The following IFT74 variants were observed in gnomAD, a reference collection of about 807,000 sequenced individuals.
IFT74 encodes the protein intraflagellar transport protein 74 homolog.
In IFT74, 92 loss-of-function variants were observed where a neutral mutation model predicts 96.7. That is an observed-to-expected ratio of 0.95 (90% CI 0.80 to 1.13). The LOEUF (loss-of-function observed/expected upper bound fraction) is 1.13. Ranked by LOEUF, IFT74 falls within the 50% of genes most tolerant of loss-of-function variation. The pLI, the probability that IFT74 is intolerant of heterozygous loss-of-function variation, is 0.00. For synonymous variants in IFT74, 223 were observed against 213.2 expected (o/e 1.05, Z -0.40); for missense variants, 811 against 698.2 (o/e 1.16, Z -1.82).
intron 2 of IFT74, among the ~76,000 whole-genome samples, chr9:26,969,471 C>T (rs775866187): frequency 6.6e-6 from 1 of 151,864 alleles, no homozygotes; most frequent in Admixed American, 6.6e-5. Context: ...ATACGTTTCT[C>T]ATAGTCAGGA....
chr9:26,978,248 A>T lies in IFT74; in HGVS notation c.241A>T (p.Lys81Ter). The T allele has an allele frequency of 6.2e-7, 1 of 1,613,166 alleles. No individual in the cohort carries two copies. The highest frequency in any genetic ancestry group is 2.2e-5 in the East Asian group (1 of 44,792). ...PVTQQGLTGMKTGTKGPQRQI... is the reference protein window; with the variant it reads ...PVTQQGLTGM ...AACACAACAAGGTTTGACTGGAATG[A>T]AAACTGGGACGAAAGGTACCTATTT... The change falls in exon 3 of 20, where the codon AAA (lysine) becomes TAA (stop). Residue 81 changes from lysine (K) to a stop codon, truncating the protein, a stop_gained. Transcript: ENST00000380062. LOFTEE classifies it high-confidence loss of function.
chr9:27,015,692 G>A (rs760614306), intron 10 of IFT74, among the ~76,000 whole-genome samples: 1 of 152,092 alleles, frequency 6.6e-6, no homozygotes, highest in Admixed American at 6.6e-5. Flanking sequence ...TGTTCAAGTT[G>A]TAGGTCCGGT....
intron 8 of IFT74, among the ~76,000 whole-genome samples, chr9:27,002,744 T>A (rs182151045): frequency 2.6e-5 from 4 of 152,328 alleles, no homozygotes. Context: ...CTTTGTTCCT[T>A]TTTGCTGAGG....
At chr9:27,010,266 G>C (rs1828991965) in intron 9 of IFT74, among the ~76,000 whole-genome samples, 1 of 152,048 alleles carries the variant, frequency 6.6e-6, no homozygotes, top group Non-Finnish European at 1.5e-5. Context: ...TGGTATTACA[G>C]GCATGAGCCA....
chr9:27,012,020 A>G (rs372439870), intron 10 of IFT74, 52 bp downstream of exon 10: 39 of 1,154,940 alleles, frequency 3.4e-5, no homozygotes, highest in Admixed American at 1.9e-4. Context: ...AAAAAAGTTA[A>G]TTCAGCCAAG....
chr9:26,988,766 T>C, intron 7 of IFT74, 38 bp downstream of exon 7: 1 of 1,451,956 alleles, frequency 6.9e-7, no homozygotes, highest in South Asian at 1.3e-5. Context: ...TCTATGTAAG[T>C]CATATCCTAC....
Position 27,056,347 on chromosome 9 carries a change from A to G in IFT74, c.1511A>G (p.Glu504Gly). The change falls in exon 18 of 20, where the codon GAG becomes GGG. Residue 504 changes from glutamate to glycine, a missense_variant. Physicochemically the swap from Glu to Gly is moderately conservative, Grantham distance 98. Coordinates refer to ENST00000380062, the MANE Select transcript of IFT74 (RefSeq NM_025103.4). ...GGATCTTTCTAGAAATTACATCAGG[A>G]GAGAATGATATTATCAACCCACAGA... ...GEEKIKKLHQ[E>G]RMILSTHRNA... The G allele has an allele frequency of 6.3e-7, 1 of 1,580,640 alleles. No homozygotes were observed. The highest frequency in any genetic ancestry group is 1.1e-5 in the South Asian group (1 of 87,264).
intron 4 of IFT74, among the ~76,000 whole-genome samples, chr9:26,983,613 A>G (rs1827485570): frequency 6.6e-6 from 1 of 152,140 alleles, no homozygotes; most frequent in Non-Finnish European, 1.5e-5. Context: ...AGAGGGTAGT[A>G]GCAGCTGTGA....
chr9:27,018,069 T>C (rs960059106), intron 11 of IFT74, among the ~76,000 whole-genome samples: 5 of 152,134 alleles, frequency 3.3e-5, no homozygotes, highest in Admixed American at 2.6e-4. Flanking sequence ...AGAGAAATCA[T>C]TGAAAGATGG....
chr9:27,005,192 A>G (rs1303101710), intron 8 of IFT74, among the ~76,000 whole-genome samples: 2 of 152,168 alleles, frequency 1.3e-5, no homozygotes, highest in African/African-American at 4.8e-5. Flanking sequence ...CTAAGTAAGA[A>G]GAATAGTTAT....
At chr9:26,955,996 G>A (rs988661904), upstream of IFT74, 9 of 152,232 alleles carry the variant, frequency 5.9e-5, no homozygotes, top group African/African-American at 2.2e-4. Flanking sequence ...TTCATGATGC[G>A]TTGTGTACGC....
intron 1 of IFT74, among the ~76,000 whole-genome samples, chr9:26,960,885 G>T (rs752150156): frequency 4.0e-5 from 6 of 151,684 alleles, no homozygotes; most frequent in Admixed American, 2.0e-4. Flanking sequence ...TGTGAAGCTG[G>T]AGTGTTAGGT....
At chr9:27,044,867 C>A (rs1819633250) in intron 14 of IFT74, 72 bp downstream of exon 14, 3 of 881,434 alleles carry the variant, frequency 3.4e-6, no homozygotes, top group Admixed American at 2.6e-5. Context: ...AAATCAGAGA[C>A]CTCATTTTGG....
chr9:27,013,084 G>A (rs2131610502), intron 10 of IFT74, among the ~76,000 whole-genome samples: 1 of 152,202 alleles, frequency 6.6e-6, no homozygotes, highest in East Asian at 1.9e-4. Context: ...AGTGCTTACT[G>A]TATGCTTTTT....
chr9:26,970,582 T>C (rs1056174109), intron 2 of IFT74, among the ~76,000 whole-genome samples: 8 of 152,230 alleles, frequency 5.3e-5, no homozygotes, highest in Admixed American at 3.3e-4. Flanking sequence ...GCATAATTAG[T>C]TGAGTAGGTC....
chr9:27,003,554 G>T lies in IFT74; in HGVS notation c.588-5466G>T, dbSNP rs142628490. Among the ~76,000 whole-genome samples the T allele has an allele frequency of 9.8e-3, 1,491 of 152,126 alleles. 17 individuals carry two copies. Among genetic ancestry groups the T allele is most frequent in the African/African-American group, 0.03 (1,239 of 41,514 alleles). On this transcript the variant is annotated intron_variant, in intron 8 of 19. Transcript: ENST00000380062. Reference sequence around the variant, plus strand: ...AAAAAAGAAAAACTAATCAGAGTAGGCAAGAATCCATGCAGCATACTAAAG... The same window carrying T: ...AAAAAAGAAAAACTAATCAGAGTAGTCAAGAATCCATGCAGCATACTAAAG...
chr9:27,059,572 A>G (rs1322399716), intron 18 of IFT74, among the ~76,000 whole-genome samples: 1 of 152,226 alleles, frequency 6.6e-6, no homozygotes, highest in Non-Finnish European at 1.5e-5. Flanking sequence ...ATTTACTGCC[A>G]GAAACTGCTG....
At chr9:26,980,830 C>A (rs1331471534) in intron 4 of IFT74, among the ~76,000 whole-genome samples, 1 of 152,102 alleles carries the variant, frequency 6.6e-6, no homozygotes, top group Non-Finnish European at 1.5e-5. Context: ...TATAATTAGT[C>A]TGAGATTTAT....
intron 13 of IFT74, among the ~76,000 whole-genome samples, chr9:27,043,208 A>G (rs948343919): frequency 6.6e-6 from 1 of 152,188 alleles, no homozygotes; most frequent in African/African-American, 2.4e-5. Flanking sequence ...GTCCTTAAAC[A>G]TTAGCTTTCA....
Sources: allele counts gnomAD v4.1 joint callset (sites outside exome capture counted in the v4.1 genomes callset), GRCh38; gene constraint gnomAD v4.1.1; transcripts MANE v1.5; gene names NCBI Gene and HGNC (gene_info 2026-07-23, HGNC 2026-07-21).